The following DIAPH2 variants were observed in gnomAD, a reference collection of about 807,000 sequenced individuals.
DIAPH2 encodes protein diaphanous homolog 2.
In DIAPH2, 35 loss-of-function variants were observed where a neutral mutation model predicts 92.7. The observed-to-expected ratio is 0.38, with a 90% CI of 0.29 to 0.50. The LOEUF (loss-of-function observed/expected upper bound fraction) is 0.50, where lower values mean the gene tolerates loss of function less well. DIAPH2 is among the 20% of genes least tolerant of loss of function. The pLI is 0.94. For missense variants in DIAPH2, 701 were observed against 819.5 expected (o/e 0.86, Z 1.77); for synonymous variants, 301 against 280.4 (o/e 1.07, Z -0.73).
At chrX:97,168,070 A>G (rs2067424645) in intron 22 of DIAPH2, among the ~76,000 whole-genome samples, 1 of 108,472 alleles carries the variant, frequency 9.2e-6, no homozygotes, top group Non-Finnish European at 1.9e-5. Flanking sequence ...AAATGAACAG[A>G]ATTTTAAAAT....
At chrX:97,405,830 A>G (rs1309646102) in intron 25 of DIAPH2, among the ~76,000 whole-genome samples, 1 of 111,833 alleles carries the variant, frequency 8.9e-6, no homozygotes, top group Non-Finnish European at 1.9e-5. Flanking sequence ...TCCCAAACAG[A>G]AAGGTAATAT....
intron 26 of DIAPH2, among the ~76,000 whole-genome samples, chrX:97,494,574 G>A (rs1167268443): frequency 3.6e-5 from 4 of 111,854 alleles, no homozygotes; most frequent in Non-Finnish European, 5.6e-5. Context: ...TTGCACTGGT[G>A]TCTGCACATT....
intron 20 of DIAPH2, among the ~76,000 whole-genome samples, chrX:97,112,313 T>G (rs1028194355): frequency 2.3e-4 from 26 of 111,438 alleles, no homozygotes; most frequent in South Asian, 3.8e-4. Flanking sequence ...CACTAGTAGC[T>G]GCTCAAAGTA....
intron 20 of DIAPH2, among the ~76,000 whole-genome samples, chrX:97,104,329 A>G (rs1015773875): frequency 9.0e-6 from 1 of 110,629 alleles, no homozygotes; most frequent in African/African-American, 3.3e-5. Context: ...CTCCTTTTTG[A>G]AACCTTTCCT....
At chrX:97,402,206 T>TTG (rs767525768) in intron 25 of DIAPH2, among the ~76,000 whole-genome samples, 1 of 42,321 alleles carries the variant, frequency 2.4e-5, no homozygotes, top group African/African-American at 5.6e-5. Context: ...ATCATTTGCA[T>TTG]CGTGTGTGTG....
At chrX:97,255,050 C>A (rs1160764941) in intron 23 of DIAPH2, among the ~76,000 whole-genome samples, 1 of 111,427 alleles carries the variant, frequency 9.0e-6, no homozygotes, top group Non-Finnish European at 1.9e-5. Context: ...AGAGGTTCAA[C>A]CATGTACAGG....
chrX:96,748,294 A>C (rs4969602), intron 3 of DIAPH2, among the ~76,000 whole-genome samples: 21,895 of 111,044 alleles, frequency 0.2, 1,624 homozygotes, highest in East Asian at 0.32. Flanking sequence ...TGGAAGTGTA[A>C]AGATGAATGC....
At chrX:96,939,496 A>ATGTATATATATG (rs1569430982) in intron 12 of DIAPH2, 114 bp downstream of exon 12, 3 of 62,919 alleles carry the variant, frequency 4.8e-5, no homozygotes, top group African/African-American at 1.6e-4. Context: ...ATGTATATAT[A>ATGTATATATATG]TATGTATATA....
At chrX:97,506,376 C>T (rs2070833463) in intron 26 of DIAPH2, among the ~76,000 whole-genome samples, 2 of 106,510 alleles carry the variant, frequency 1.9e-5, no homozygotes, top group Admixed American at 1.0e-4. Context: ...GTCTGGAACT[C>T]CTGACCTCAG....
chrX:97,262,812 G>A (rs1411562196), intron 23 of DIAPH2, among the ~76,000 whole-genome samples: 1 of 111,876 alleles, frequency 8.9e-6, no homozygotes, highest in African/African-American at 3.3e-5. Flanking sequence ...ATGAACAGAC[G>A]GAGAAGAGAG....
intron 17 of DIAPH2, among the ~76,000 whole-genome samples, chrX:97,002,315 TGCA>T (rs2066150225): frequency 9.0e-6 from 1 of 111,200 alleles, no homozygotes; most frequent in Non-Finnish European, 1.9e-5. Context: ...TATATATGTT[TGCA>T]TCAGTGTCAT....
chrX:97,161,824 C>T (rs2067376176), intron 22 of DIAPH2, among the ~76,000 whole-genome samples: 1 of 111,684 alleles, frequency 9.0e-6, no homozygotes. Flanking sequence ...AAGACTGTCT[C>T]ATTACCTCTG....
At chrX:97,528,235 C>G (rs781261244) in intron 26 of DIAPH2, 1 of 112,098 alleles carries the variant, frequency 8.9e-6, no homozygotes, top group Admixed American at 9.5e-5. Flanking sequence ...ATATGTAAAC[C>G]GCAAAGCTTG....
intron 26 of DIAPH2, among the ~76,000 whole-genome samples, chrX:97,518,966 T>G (rs1325834786): frequency 8.9e-6 from 1 of 111,927 alleles, no homozygotes; most frequent in Non-Finnish European, 1.9e-5. Context: ...AATTTTGGAT[T>G]TAAAATGGTT....
chrX:97,529,075 A>G (rs1234893706), intron 26 of DIAPH2: 1 of 106,995 alleles, frequency 9.3e-6, no homozygotes, highest in African/African-American at 3.4e-5. Context: ...CACTGTATCA[A>G]AAAAAAAAAA....
At chrX:97,059,023 T>G (rs2066577842) in intron 17 of DIAPH2, among the ~76,000 whole-genome samples, 1 of 112,057 alleles carries the variant, frequency 8.9e-6, no homozygotes, top group African/African-American at 3.2e-5. Context: ...TCGGTCTTAA[T>G]GGATAGATAA....
At chrX:97,395,463 A>T (rs1277334140) in intron 25 of DIAPH2, among the ~76,000 whole-genome samples, 1 of 111,922 alleles carries the variant, frequency 8.9e-6, no homozygotes, top group East Asian at 2.8e-4. Context: ...GGATTTCGTT[A>T]TTGTCTCTGG....
chrX:97,442,544 A>G (rs1005200116), intron 26 of DIAPH2: 2 of 112,660 alleles, frequency 1.8e-5, no homozygotes, highest in African/African-American at 6.4e-5. Flanking sequence ...ATTATGGGAA[A>G]GTTTCTCTCA....
At chrX:97,477,028 C>T (rs1269393355) in intron 26 of DIAPH2, among the ~76,000 whole-genome samples, 2 of 97,056 alleles carry the variant, frequency 2.1e-5, no homozygotes, top group Non-Finnish European at 4.1e-5. Flanking sequence ...CACACACATA[C>T]ACACACACAT....
Sources: allele counts gnomAD v4.1 joint callset (sites outside exome capture counted in the v4.1 genomes callset), GRCh38; gene constraint gnomAD v4.1.1; transcripts MANE v1.5; gene names NCBI Gene and HGNC (gene_info 2026-07-23, HGNC 2026-07-21).